The following WIPF1 variants were observed in gnomAD, a reference collection of about 807,000 sequenced individuals.
WIPF1 encodes the protein WAS/WASL-interacting protein family member 1.
Under a neutral mutation model 35.4 loss-of-function variants are expected in WIPF1, and 13 were observed. The observed-to-expected ratio is 0.37, with a 90% CI of 0.24 to 0.58. The LOEUF is 0.58. Ranked by LOEUF, WIPF1 falls within the 20% of genes least tolerant of loss-of-function variation. The pLI, the probability that WIPF1 is intolerant of heterozygous loss-of-function variation, is 0.74. For missense variants in WIPF1, 591 were observed against 667.0 expected (o/e 0.89, Z 1.25); for synonymous variants, 267 against 266.3 (o/e 1.00, Z -0.02).
intron 1 of WIPF1, among the ~76,000 whole-genome samples, chr2:174,670,824 C>T (rs990704342): frequency 3.9e-5 from 6 of 152,222 alleles, no homozygotes; most frequent in Non-Finnish European, 8.8e-5. Flanking sequence ...GCAATCGCTG[C>T]CATCATAGTG....
At position 174,568,031 on chromosome 2, in the gene WIPF1, G is replaced by A. The variant is rs1684718322; in HGVS notation, c.1172C>T (p.Thr391Ile). The A allele has an allele frequency of 6.2e-7, 1 of 1,613,610 alleles. No individual in the cohort carries two copies. The highest frequency in any genetic ancestry group is 1.7e-4 in the Middle Eastern group (1 of 5,856). The part of the protein sequence containing the change: ...PPPPVSRNGS[T>I]SRALPATPQL... ...AGGGGTAGCAGGCAGGGCCCGAGAT[G>A]TGCTGCCGTTTCTGCTTACTGGAGG... The change falls in exon 6 of 8, where the codon ACA becomes ATA. Residue 391 changes from threonine to isoleucine, a missense_variant. Around this residue, in one of 3 missense-constraint regions of WIPF1, gnomAD observed 117 missense variants for 149.6 expected, o/e 0.78. Transcript: ENST00000679041.
intron 1 of WIPF1, among the ~76,000 whole-genome samples, chr2:174,675,898 G>A (rs1003984663): frequency 6.6e-6 from 1 of 150,572 alleles, no homozygotes; most frequent in African/African-American, 2.4e-5. Flanking sequence ...ATGAAGGCGT[G>A]GGGAAGAGAT....
intron 5 of WIPF1, among the ~76,000 whole-genome samples, chr2:174,569,580 C>T (rs531659572): frequency 3.3e-5 from 5 of 152,314 alleles, no homozygotes; most frequent in South Asian, 4.1e-4. Flanking sequence ...TGGCACCCTG[C>T]TCCAAATCCT....
intron 1 of WIPF1, among the ~76,000 whole-genome samples, chr2:174,637,350 T>C (rs1687205877): frequency 6.6e-6 from 1 of 152,224 alleles, no homozygotes; most frequent in Admixed American, 6.5e-5. Flanking sequence ...CTTTTTTTGT[T>C]TTGTTTTGAC....
chr2:174,575,529 C>A (rs1685030292), intron 3 of WIPF1, 149 bp from the exon 4 acceptor site: 2 of 1,391,770 alleles, frequency 1.4e-6, no homozygotes, highest in African/African-American at 2.9e-5. Flanking sequence ...TTAAGAGTTC[C>A]CTCAGCTCAG....
rs927201849 is a variant in WIPF1 at position 174,561,644 on chromosome 2, G to A, written c.*903C>T. The stretch of plus-strand genomic sequence containing the variant: ...AGGAAAATCGAAGGTCAAACTGTGT[G>A]TCAAACAAGGTGCTGGGTCCTAATT... On this transcript the variant is annotated 3_prime_UTR_variant, in exon 8 of 8. Transcript: ENST00000679041. 1 of 161,182 alleles carries A rather than the reference G, an allele frequency of 6.2e-6. No individual in the cohort carries two copies. Among genetic ancestry groups the A allele is most frequent in the African/African-American group, 2.4e-5 (1 of 41,538 alleles). The allele number at this position is 161,182 out of a possible 1,614,324, so 10.0% of individuals were successfully genotyped here.
At chr2:174,572,953 C>CA (rs1308620610) in intron 4 of WIPF1, among the ~76,000 whole-genome samples, 1 of 151,492 alleles carries the variant, frequency 6.6e-6, no homozygotes, top group Admixed American at 6.6e-5. Flanking sequence ...AGAAATGCCC[C>CA]AAAAAAAGTG....
chr2:174,608,219 A>G (rs930280880), intron 1 of WIPF1, among the ~76,000 whole-genome samples: 2 of 152,188 alleles, frequency 1.3e-5, no homozygotes, highest in Admixed American at 6.5e-5. Context: ...GGGTGAAAAA[A>G]AAGAGGCCCA....
upstream of WIPF1, among the ~76,000 whole-genome samples, chr2:174,601,813 A>T (rs1269161115): frequency 6.6e-5 from 10 of 152,262 alleles, no homozygotes; most frequent in Non-Finnish European, 1.5e-4. Flanking sequence ...CAGAGAAGTT[A>T]GGCATCCTGC....
intron 1 of WIPF1, among the ~76,000 whole-genome samples, chr2:174,624,743 G>C (rs192999167): frequency 6.6e-6 from 1 of 152,282 alleles, no homozygotes; most frequent in South Asian, 2.1e-4. Flanking sequence ...GGGTTCTGGG[G>C]GTGTGCTCAG....
chr2:174,609,195 C>T (rs1043570087), intron 1 of WIPF1, among the ~76,000 whole-genome samples: 1 of 152,172 alleles, frequency 6.6e-6, no homozygotes, highest in African/African-American at 2.4e-5. Flanking sequence ...AAAGAATTGT[C>T]CCACAGGACC....
chr2:174,587,514 C>T (rs765832306), intron 1 of WIPF1: 1 of 152,202 alleles, frequency 6.6e-6, no homozygotes, highest in Non-Finnish European at 1.5e-5. Context: ...CTGGACTTGT[C>T]ACAGCCGCCG....
At chr2:174,657,925 A>G (rs1687679820) in intron 1 of WIPF1, among the ~76,000 whole-genome samples, 1 of 151,556 alleles carries the variant, frequency 6.6e-6, no homozygotes, top group Admixed American at 6.6e-5. Flanking sequence ...AAAAAAAAAA[A>G]AAAAAAAAAG....
intron 1 of WIPF1, among the ~76,000 whole-genome samples, chr2:174,651,152 A>G (rs1476478076): frequency 6.6e-6 from 1 of 152,234 alleles, no homozygotes; most frequent in African/African-American, 2.4e-5. Flanking sequence ...TGGAAGTACT[A>G]AGACTGTCAT....
chr2:174,652,087 G>A (rs977703758), intron 1 of WIPF1, among the ~76,000 whole-genome samples: 5 of 152,174 alleles, frequency 3.3e-5, no homozygotes, highest in South Asian at 4.1e-4. Context: ...TCCAATGAAC[G>A]AGGCAGAAGT....
At position 174,650,840 on chromosome 2, in the gene WIPF1, C is replaced by T. The variant is rs527526399; in HGVS notation, c.-39+31934G>A. On this transcript the variant is annotated intron_variant, in intron 1 of 8. Coordinates refer to the WIPF1 transcript ENST00000272746. ...CCAGGCAGGTGCCTGCCATGAGAAC[C>T]TGCATGTGATCACCACACAGCTTGG... Among the ~76,000 whole-genome samples, 16 of 152,334 alleles carry T rather than the reference C, an allele frequency of 1.1e-4. 3 individuals carry two copies. Among genetic ancestry groups the T allele is most frequent in the African/African-American group, 3.8e-4 (16 of 41,580 alleles).
At position 174,562,609 on chromosome 2, in the gene WIPF1, G is replaced by A. The variant is rs760209123; in HGVS notation, c.1457-7C>T. The A allele has an allele frequency of 1.2e-6, 2 of 1,613,922 alleles. No individual in the cohort carries two copies. Among genetic ancestry groups the A allele is most frequent in the Middle Eastern group, 1.6e-4 (1 of 6,080 alleles). Reference sequence around the variant, plus strand: ...TCTCTTCGGTTGGATCCACCTTGGTGAAAAAACAGACAAAATATAATTTTG... The same window carrying A: ...TCTCTTCGGTTGGATCCACCTTGGTAAAAAAACAGACAAAATATAATTTTG... On this transcript the variant is annotated splice_region_variant and splice_polypyrimidine_tract_variant and intron_variant, in intron 7 of 7. Transcript: ENST00000679041.
rs978177527 is a variant in WIPF1, at chr2:174,571,777, G to A, written c.1028C>T (p.Ser343Leu). The stretch of plus-strand genomic sequence containing the variant: ...TGGCGAAGGTAACGGGGGCGTGGAC[G>A]AACTGAGGGACAGATTCCGCTGTGG... Reference protein sequence around the residue: ...RLPQRNLSLSSSTPPLPSPGR... With the variant: ...RLPQRNLSLSLSTPPLPSPGR... Residue 343 changes from serine to leucine, a missense_variant, in exon 5 of 8, where the codon TCG becomes TTG. Ser to Leu is a moderately radical substitution (Grantham distance 145). Transcript: ENST00000679041. The surrounding 1 kb of genome is among the most constrained non-coding windows in gnomAD (Gnocchi z 4.6). 3.7e-6 allele frequency: 6 copies of A among 1,614,082 alleles called. No homozygotes were observed. The highest frequency in any genetic ancestry group is 2.2e-5 in the South Asian group (2 of 91,090).
chr2:174,655,169 C>G (rs1687615707), intron 1 of WIPF1, among the ~76,000 whole-genome samples: 1 of 144,674 alleles, frequency 6.9e-6, no homozygotes, highest in African/African-American at 2.9e-5. Context: ...CTCGTATTCA[C>G]CCCCATAATC....
Sources: allele counts gnomAD v4.1 joint callset (sites outside exome capture counted in the v4.1 genomes callset), GRCh38; gene constraint gnomAD v4.1.1; regional missense constraint gnomAD v4.1.1; non-coding constraint Gnocchi (gnomAD v3.1); transcripts MANE v1.5; gene names NCBI Gene and HGNC (gene_info 2026-07-23, HGNC 2026-07-21).